ACACB: variants seen among roughly 807,000 people sequenced by gnomAD.
ACACB encodes acetyl-CoA carboxylase 2.
ACACB carries 209 observed loss-of-function variants against 278.8 expected under a neutral mutation model. The observed-to-expected ratio is 0.75, with a 90% CI of 0.67 to 0.84. The LOEUF (loss-of-function observed/expected upper bound fraction) is 0.84, where lower values mean the gene tolerates loss of function less well. ACACB is among the 40% of genes least tolerant of loss of function. ACACB has a pLI of 0.00. For missense variants in ACACB, 2,850 were observed against 3,269.0 expected, an observed-to-expected ratio of 0.87 and a Z score of 3.13; for synonymous variants, 1,174 against 1,285.6, an observed-to-expected ratio of 0.91 and a Z score of 1.86.
At chr12:109,139,300 C>T (rs2043041584) in intron 1 of ACACB, 97 bp from the exon 2 acceptor site, 1 of 1,163,076 alleles carries the variant, frequency 8.6e-7, no homozygotes, top group Admixed American at 2.5e-5. Flanking sequence ...TTCAGGAATA[C>T]ACAGCACCCC....
chr12:109,167,970 C>G lies in ACACB; in HGVS notation c.861C>G (p.Phe287Leu). The G allele has an allele frequency of 6.2e-7, 1 of 1,614,016 alleles. No homozygotes were observed. Among genetic ancestry groups the G allele is most frequent in the Middle Eastern group, 1.7e-4 (1 of 6,060 alleles). Reference protein sequence around the residue: ...RSIRRWAYEMFRNERAIRFVV... With the variant: ...RSIRRWAYEMLRNERAIRFVV... ...TCCGCAGGTGGGCCTATGAGATGTT[C>G]CGCAACGAGCGGGCCATCCGGTTTG... The change falls in exon 4 of 53, where the codon TTC becomes TTG. Residue 287 changes from phenylalanine (F) to leucine (L), a missense_variant. Phe to Leu is a conservative substitution (Grantham distance 22). Transcript: ENST00000338432.
intron 13 of ACACB, among the ~76,000 whole-genome samples, chr12:109,189,685 A>G (rs1189468324): frequency 1.3e-5 from 2 of 152,102 alleles, no homozygotes; most frequent in African/African-American, 4.8e-5. Flanking sequence ...TTCCAGACCC[A>G]CAGCTGACTT....
chr12:109,200,032 A>C (rs1234853355), intron 18 of ACACB, among the ~76,000 whole-genome samples: 2 of 114,932 alleles, frequency 1.7e-5, no homozygotes, highest in Non-Finnish European at 3.6e-5. Context: ...ACTCCGTCTC[A>C]AAAAAAAAAA....
intron 22 of ACACB, among the ~76,000 whole-genome samples, chr12:109,213,946 G>A (rs547581557): frequency 6.6e-6 from 1 of 152,216 alleles, no homozygotes; most frequent in Non-Finnish European, 1.5e-5. Flanking sequence ...CACCTAGCAA[G>A]AAGGCTTTCC....
chr12:109,176,450 G>C (rs1450218297), intron 9 of ACACB, among the ~76,000 whole-genome samples, 187 bp downstream of exon 9: 1 of 152,096 alleles, frequency 6.6e-6, no homozygotes, highest in Non-Finnish European at 1.5e-5. Context: ...GTTTTGTGTC[G>C]ATCTTGACAG....
In ACACB at chr12:109,258,373, G is replaced by T; in HGVS notation, c.6360+9G>T. 6.2e-7 allele frequency: 1 copy of T among 1,607,640 alleles called. No individual in the cohort carries two copies. The highest frequency in any genetic ancestry group is 8.5e-7 in the Non-Finnish European group (1 of 1,177,690). On this transcript the variant is annotated intron_variant, in intron 46 of 52. Coordinates refer to ENST00000338432, the MANE Select transcript of ACACB (RefSeq NM_001093.4). The stretch of plus-strand genomic sequence containing the variant: ...TGGATTCTGAGGCCAAGGTGAGGGG[G>T]CCGGGAGCTGTGGCTGCTGGTTTAG...
chr12:109,204,502 TGACCTCA>T (rs2045435884), intron 19 of ACACB, among the ~76,000 whole-genome samples: 1 of 151,942 alleles, frequency 6.6e-6, no homozygotes, highest in South Asian at 2.1e-4. Context: ...CTCGAACTCC[TGACCTCA>T]GGTGATCCGC....
chr12:109,164,256 A>G (rs771040323), intron 2 of ACACB, among the ~76,000 whole-genome samples: 4 of 151,798 alleles, frequency 2.6e-5, no homozygotes, highest in Non-Finnish European at 5.9e-5. Context: ...TGTTTGAGAT[A>G]GAGTCTCACT....
At chr12:109,150,408 G>A (rs965556043) in intron 2 of ACACB, among the ~76,000 whole-genome samples, 2 of 152,182 alleles carry the variant, frequency 1.3e-5, no homozygotes, top group Non-Finnish European at 2.9e-5. Context: ...CTGTGTCCAC[G>A]GAGGAGGAAG....
At position 109,210,608 on chromosome 12, in the gene ACACB, T is replaced by A. The variant is rs2045814060; in HGVS notation, c.3249+1255T>A. Reference sequence around the variant, plus strand: ...ATATAAACATATATATGTATATATATAATATTTTTTAAGAATTATACTGAG... The same window carrying A: ...ATATAAACATATATATGTATATATAAAATATTTTTTAAGAATTATACTGAG... On this transcript the variant is annotated intron_variant, in intron 21 of 52. Coordinates refer to ENST00000338432, the MANE Select transcript of ACACB (RefSeq NM_001093.4). Among the ~76,000 whole-genome samples the A allele has an allele frequency of 2.0e-5, 3 of 149,700 alleles. No individual in the cohort carries two copies. The South Asian group carries it at 6.2e-4, about 31-fold the overall frequency.
intron 2 of ACACB, among the ~76,000 whole-genome samples, chr12:109,157,622 C>T (rs1471988221): frequency 2.0e-5 from 3 of 152,070 alleles, no homozygotes; most frequent in African/African-American, 7.2e-5. Flanking sequence ...TTGAGTACTG[C>T]CCTGGGTCAG....
chr12:109,133,863 A>ATATATAT (rs55881936), intron 1 of ACACB, among the ~76,000 whole-genome samples: 8 of 70,628 alleles, frequency 1.1e-4, no homozygotes, highest in East Asian at 2.6e-4. Flanking sequence ...ATATATATAT[A>ATATATAT]TTTTTTTTTT....
At chr12:109,154,372 G>C (rs1321433808) in intron 2 of ACACB, among the ~76,000 whole-genome samples, 1 of 152,226 alleles carries the variant, frequency 6.6e-6, no homozygotes, top group Non-Finnish European at 1.5e-5. Context: ...GGCGACCTCT[G>C]ACTCACATTT....
intron 1 of ACACB, among the ~76,000 whole-genome samples, chr12:109,121,385 T>C (rs907359944): frequency 3.3e-5 from 5 of 152,264 alleles, no homozygotes; most frequent in Admixed American, 3.3e-4. Context: ...AGTCAGAAAT[T>C]GATGATAAAT....
intron 16 of ACACB, 130 bp from the exon 17 acceptor site, chr12:109,196,878 C>T (rs749432281): frequency 1.6e-4 from 182 of 1,121,904 alleles, no homozygotes; most frequent in Middle Eastern, 6.1e-4. Context: ...GGGCTGGGTC[C>T]GAGAGACGGG....
At chr12:109,184,808 G>A (rs2044597716) in intron 11 of ACACB, among the ~76,000 whole-genome samples, 1 of 151,510 alleles carries the variant, frequency 6.6e-6, no homozygotes, top group African/African-American at 2.4e-5. Flanking sequence ...CCAGGCTCAA[G>A]TGATCCTCCC....
intron 44 of ACACB, among the ~76,000 whole-genome samples, chr12:109,255,845 C>T (rs1308212184): frequency 1.3e-5 from 2 of 152,214 alleles, no homozygotes; most frequent in Non-Finnish European, 2.9e-5. Context: ...GAAGAGAAGG[C>T]AGAGACCATG....
intron 20 of ACACB, among the ~76,000 whole-genome samples, chr12:109,207,798 C>G (rs538444348): frequency 6.6e-6 from 1 of 152,314 alleles, no homozygotes; most frequent in South Asian, 2.1e-4. Flanking sequence ...CCTGCCTCAG[C>G]CTCCCGAGTA....
chr12:109,225,702 T>A (rs1007571465), intron 27 of ACACB, among the ~76,000 whole-genome samples: 2 of 152,242 alleles, frequency 1.3e-5, no homozygotes, highest in Non-Finnish European at 1.5e-5. Context: ...GTGTTTAAAC[T>A]CCAGAACTGC....
Sources: gnomAD v4.1 joint callset for allele counts (sites outside exome capture counted in the v4.1 genomes callset) on GRCh38, gnomAD v4.1.1 for gene constraint, MANE v1.5 for transcripts, NCBI Gene and HGNC (gene_info 2026-07-23, HGNC 2026-07-21) for gene names.